LRRC7: variants seen among roughly 807,000 people sequenced by gnomAD.
LRRC7 encodes the protein leucine rich repeat containing 7.
In LRRC7, 23 loss-of-function variants were observed where a neutral mutation model predicts 175.7. The ratio of observed to expected loss-of-function variants is 0.13; its 90% confidence interval spans 0.09 to 0.19. The LOEUF (loss-of-function observed/expected upper bound fraction) is 0.19, where lower values mean the gene tolerates loss of function less well. Among genes scored for constraint, LRRC7 ranks in the 10% least tolerant of loss-of-function variants. The pLI, the probability that LRRC7 is intolerant of heterozygous loss-of-function variation, is 1.00. For missense variants in LRRC7, 1,354 were observed against 1,904.7 expected (o/e 0.71, Z 5.38); for synonymous variants, 685 against 680.9 (o/e 1.01, Z -0.09).
chr1:69,878,610 A>G (rs1273473472), intron 7 of LRRC7, among the ~76,000 whole-genome samples: 1 of 152,038 alleles, frequency 6.6e-6, no homozygotes, highest in East Asian at 1.9e-4. Context: ...CCACCCCACT[A>G]ACTGAGAATG....
chr1:69,776,904 T>C (rs891156365), intron 3 of LRRC7, among the ~76,000 whole-genome samples: 27 of 152,084 alleles, frequency 1.8e-4, no homozygotes, highest in Non-Finnish European at 3.4e-4. Flanking sequence ...TTTCTTTAAA[T>C]TTTAAGTGGA....
chr1:69,868,961 G>T (rs1361808521), intron 7 of LRRC7, among the ~76,000 whole-genome samples: 2 of 150,820 alleles, frequency 1.3e-5, no homozygotes, highest in African/African-American at 2.4e-5. Flanking sequence ...TTTGTATAAA[G>T]ATATCACTCA....
chr1:70,005,712 G>A (rs931858762), intron 11 of LRRC7, among the ~76,000 whole-genome samples: 7 of 152,004 alleles, frequency 4.6e-5, no homozygotes, highest in African/African-American at 1.7e-4. Flanking sequence ...TGATAGATTT[G>A]GAAAGGTTTT....
intron 7 of LRRC7, among the ~76,000 whole-genome samples, chr1:69,922,502 A>T (rs1210034946): frequency 6.6e-6 from 1 of 152,202 alleles, no homozygotes; most frequent in Non-Finnish European, 1.5e-5. Flanking sequence ...CTCGATTATG[A>T]ACTACTTAAT....
At position 70,126,075 on chromosome 1, in the gene LRRC7, C is replaced by T. The variant is rs148835751; in HGVS notation, c.*4188C>T. ...TACTAACTGTTAAGGACAGTCTTAA[C>T]GCTGTCCCTAACCAATTTCTACCCC... On this transcript the variant is annotated 3_prime_UTR_variant, in exon 27 of 27. Coordinates refer to ENST00000651989, the MANE Select transcript of LRRC7 (RefSeq NM_001370785.2). Among the ~76,000 whole-genome samples the T allele has an allele frequency of 3.8e-4, 58 of 152,110 alleles. No homozygotes were observed. Among genetic ancestry groups the T allele is most frequent in the African/African-American group, 1.3e-3 (56 of 41,484 alleles).
rs767600060 is a variant in LRRC7, at chr1:70,122,619, A to G, written c.*732A>G. 8 of 152,132 alleles carry G rather than the reference A, an allele frequency of 5.3e-5. No homozygotes were observed. The highest frequency in any genetic ancestry group is 7.2e-5 in the African/African-American group (3 of 41,462). The allele number at this position is 152,132 out of a possible 1,614,324, so 9.4% of individuals were successfully genotyped here. A position where few individuals can be genotyped will look rare whatever the true frequency, so the allele number is the denominator to read the frequency against. ...AAAATAGGATGAACTAATTTGTTCAATGCCTTTAGCTAATTACAATACATG... is the reference window on the plus strand; with the variant it reads ...AAAATAGGATGAACTAATTTGTTCAGTGCCTTTAGCTAATTACAATACATG... On this transcript the variant is annotated 3_prime_UTR_variant, in exon 27 of 27. Transcript: ENST00000651989.
chr1:69,638,855 G>T (rs1653781152), intron 1 of LRRC7, among the ~76,000 whole-genome samples: 1 of 151,536 alleles, frequency 6.6e-6, no homozygotes, highest in Admixed American at 6.6e-5. Context: ...TGAGTTCTAT[G>T]GTGTATTGTC....
At chr1:69,892,061 C>A (rs1368359050) in intron 7 of LRRC7, among the ~76,000 whole-genome samples, 1 of 152,160 alleles carries the variant, frequency 6.6e-6, no homozygotes, top group Non-Finnish European at 1.5e-5. Context: ...ATTGAAACAT[C>A]AGTCTGTATA....
chr1:70,038,659 T>C lies in LRRC7; in HGVS notation c.2835T>C (p.Asn945=). ...HDSNPNRSLS[N]VFSQIHCRPE... Reference sequence around the variant, plus strand: ...CCAATCCCAACAGGAGTCTTAGTAATGTCTTTTCTCAAATCCACTGCCGCC... The same window carrying C: ...CCAATCCCAACAGGAGTCTTAGTAACGTCTTTTCTCAAATCCACTGCCGCC... The change falls in exon 21 of 27, where the codon AAT becomes AAC. Residue 945 remains asparagine (N), a synonymous_variant. Transcript: ENST00000651989. The C allele has an allele frequency of 6.2e-7, 1 of 1,614,104 alleles. No homozygotes were observed. Among genetic ancestry groups the C allele is most frequent in the Non-Finnish European group, 8.5e-7 (1 of 1,179,994 alleles).
intron 1 of LRRC7, among the ~76,000 whole-genome samples, chr1:69,594,117 T>C (rs1307128916): frequency 6.6e-6 from 1 of 152,212 alleles, no homozygotes. Flanking sequence ...TATTAAAATA[T>C]TAATTTTTAC....
chr1:69,931,347 C>T (rs1647352784), intron 7 of LRRC7, among the ~76,000 whole-genome samples, 160 bp from the exon 8 acceptor site: 1 of 152,146 alleles, frequency 6.6e-6, no homozygotes, highest in Non-Finnish European at 1.5e-5. Flanking sequence ...TGGCAGTTTG[C>T]ATAGATTTTG....
chr1:69,866,176 G>T (rs1262809387), intron 7 of LRRC7, among the ~76,000 whole-genome samples: 2 of 152,160 alleles, frequency 1.3e-5, no homozygotes, highest in Admixed American at 6.5e-5. Context: ...GGTTTGTTGT[G>T]TTTGTCTATT....
At chr1:70,037,846 G>T (rs894913442) in intron 20 of LRRC7, among the ~76,000 whole-genome samples, 3 of 151,944 alleles carry the variant, frequency 2.0e-5, no homozygotes, top group Non-Finnish European at 4.4e-5. Flanking sequence ...TCTAGCAGAG[G>T]ACACAACACA....
At chr1:69,568,751 GCA>G in intron 1 of LRRC7, 110 bp downstream of exon 1, 1 of 614,294 alleles carries the variant, frequency 1.6e-6, no homozygotes, top group Non-Finnish European at 2.2e-6. Context: ...GGCGGGGGTG[GCA>G]GGGCGGGAGG....
Position 69,879,212 on chromosome 1 carries a change from T to TAAAAAAAAAAAAAAAA in LRRC7, c.647+40938_647+40953dup, listed in dbSNP as rs201332183. Among the ~76,000 whole-genome samples the TAAAAAAAAAAAAAAAA allele has an allele frequency of 3.4e-4, 31 of 91,954 alleles. 2 individuals carry two copies. The highest frequency in any genetic ancestry group is 1.4e-3 in the African/African-American group (26 of 19,178). 60.3% of individuals were successfully genotyped at this position (91,954 alleles called of 152,430 possible). A position where few individuals can be genotyped will look rare whatever the true frequency, so the allele number is the denominator to read the frequency against. The stretch of plus-strand genomic sequence containing the variant: ...TTTTGCTGTAAACCTAAAACTGCTT[T>TAAAAAAAAAAAAAAAA]AAAAAAAAAAAAAAAAAAAAAAAAG... On this transcript the variant is annotated intron_variant, in intron 7 of 26. Transcript: ENST00000651989.
chr1:69,707,902 C>T, intron 2 of LRRC7, among the ~76,000 whole-genome samples: 1 of 152,142 alleles, frequency 6.6e-6, no homozygotes, highest in East Asian at 1.9e-4. Flanking sequence ...GTATCCTTCA[C>T]TGCACATTAT....
chr1:69,732,224 A>G (rs1612509), intron 2 of LRRC7, among the ~76,000 whole-genome samples: 125,782 of 151,920 alleles, frequency 0.83, 52,422 homozygotes, highest in East Asian at 0.93. Flanking sequence ...AAAAAGCTAA[A>G]TATTTTTTTA....
Position 70,039,696 on chromosome 1 carries a change from G to A in LRRC7, c.3872G>A (p.Arg1291Lys). 1 of 1,614,098 alleles carries A rather than the reference G, an allele frequency of 6.2e-7. No individual in the cohort carries two copies. The highest frequency in any genetic ancestry group is 8.5e-7 in the Non-Finnish European group (1 of 1,180,010). Reference sequence around the variant, plus strand: ...TCAGATAACAGTGATTTAAAGACGAGGCCTACTCCTGTGAAGGGAGAGGAG... The same window carrying A: ...TCAGATAACAGTGATTTAAAGACGAAGCCTACTCCTGTGAAGGGAGAGGAG... ...KPSDNSDLKT[R>K]PTPVKGEESC... The change falls in exon 21 of 27, where the codon AGG becomes AAG. Residue 1291 changes from arginine to lysine, a missense_variant. Arg to Lys is a conservative substitution (Grantham distance 26, BLOSUM62 2). Coordinates refer to ENST00000651989, the MANE Select transcript of LRRC7 (RefSeq NM_001370785.2).
At chr1:70,040,648 T>C (rs1304939479) in intron 21 of LRRC7, among the ~76,000 whole-genome samples, 1 of 151,980 alleles carries the variant, frequency 6.6e-6, no homozygotes, top group African/African-American at 2.4e-5. Context: ...CCATCTCTAC[T>C]TAAAATACAA....
Sources: gnomAD v4.1 joint callset for allele counts (sites outside exome capture counted in the v4.1 genomes callset) on GRCh38, gnomAD v4.1.1 for gene constraint, MANE v1.5 for transcripts, NCBI Gene and HGNC (gene_info 2026-07-23, HGNC 2026-07-21) for gene names.